The following MEG3 variants were observed in gnomAD, a reference collection of about 807,000 sequenced individuals.
The protein encoded by MEG3 is maternally expressed 3.
exon 2 of MEG3, chr14:100,836,287 C>T (rs926727637): frequency 4.2e-5 from 19 of 456,518 alleles, no homozygotes; most frequent in African/African-American, 3.8e-4. Flanking sequence ...CTCTCGTCTC[C>T]TTCCTGGTTT....
At chr14:100,860,596 C>T (rs910982061) in intron 1 of MEG3, 2 of 452,944 alleles carry the variant, frequency 4.4e-6, no homozygotes, top group African/African-American at 4.0e-5. Flanking sequence ...CTCTCCTCTC[C>T]CTCCCTCCTG....
At chr14:100,853,093 C>T (rs2038135350), upstream of MEG3, 1 of 152,404 alleles carries the variant, frequency 6.6e-6, no homozygotes, top group South Asian at 2.1e-4. Flanking sequence ...AAACATCCTT[C>T]ACGTGCTCCC....
At chr14:100,834,747 G>T (rs368067138) in exon 1 of MEG3, 1 of 456,584 alleles carries the variant, frequency 2.2e-6, no homozygotes, top group Non-Finnish European at 4.4e-6. Flanking sequence ...TGTTGGTTTC[G>T]CCAGGTGAGT....
downstream of MEG3, chr14:100,829,252 A>G (rs960476687): frequency 6.6e-6 from 1 of 152,194 alleles, no homozygotes; most frequent in African/African-American, 2.4e-5. Flanking sequence ...GTACTTTCCT[A>G]TAAGTCTTTG....
chr14:100,833,287 T>G (rs1201106672), downstream of MEG3: 2 of 152,094 alleles, frequency 1.3e-5, no homozygotes, highest in Non-Finnish European at 2.9e-5. Context: ...TGAAATGGAG[T>G]CTCGCTCTGT....
At chr14:100,834,306 C>T (rs559497828) in exon 1 of MEG3, 43 of 195,106 alleles carry the variant, frequency 2.2e-4, no homozygotes, top group East Asian at 1.4e-4. Context: ...GCCCCAAAGC[C>T]ACTGTTAGTG....
At chr14:100,830,305 CT>C (rs926474953), downstream of MEG3, 1 of 151,448 alleles carries the variant, frequency 6.6e-6, no homozygotes, top group African/African-American at 2.4e-5. Flanking sequence ...CTTAACTACT[CT>C]AAGTTTCAGT....
At position 100,828,205 on chromosome 14, in the gene MEG3, A is replaced by G. The variant is rs1223449114; in HGVS notation, n.372-503A>G. Among the ~76,000 whole-genome samples the G allele has an allele frequency of 2.0e-5, 3 of 151,644 alleles. No homozygotes were observed. In the East Asian group the frequency reaches 5.8e-4, roughly 29 times the overall value. On this transcript the variant is annotated intron_variant and non_coding_transcript_variant, in intron 1 of 2. Coordinates refer to ENST00000556407, the Ensembl canonical transcript of MEG3. Reference sequence around the variant, plus strand: ...CCGGGGCGCCGCAGGTGGCTGCTGCACTCCTGGGTTACGGGTGCGGGCCGC... The same window carrying G: ...CCGGGGCGCCGCAGGTGGCTGCTGCGCTCCTGGGTTACGGGTGCGGGCCGC...
At chr14:100,835,661 C>T (rs1258271258) in exon 1 of MEG3, 1 of 160,354 alleles carries the variant, frequency 6.2e-6, no homozygotes, top group Non-Finnish European at 1.3e-5. Context: ...TACCTGTGGT[C>T]ACCTGGCCCT....
rs866422158 is a variant in MEG3 at position 100,846,000 on chromosome 14, C to G, written n.3121+467C>G. 2 of 152,654 alleles carry G rather than the reference C, an allele frequency of 1.3e-5. No homozygotes were observed. The highest frequency in any genetic ancestry group is 2.4e-5 in the African/African-American group (1 of 41,442). The allele number at this position is 152,654 out of a possible 1,614,324, so 9.5% of individuals were successfully genotyped here. On this transcript the variant is annotated intron_variant and non_coding_transcript_variant, in intron 3 of 3. Coordinates refer to the MEG3 transcript ENST00000398461. This position sits in a 1 kb window ranked among gnomAD's most constrained non-coding sequence, Gnocchi z 5.2. The stretch of plus-strand genomic sequence containing the variant: ...CTCCAATGACCTCCGCTCGCCCCCT[C>G]GAAATGTCTGGAAAACATAATGGGC...
intron 2 of MEG3, among the ~76,000 whole-genome samples, chr14:100,841,341 C>CA (rs556492906): frequency 7.5e-4 from 115 of 152,362 alleles, no homozygotes; most frequent in African/African-American, 2.4e-3. Context: ...CCCCTGTCTC[C>CA]AGCCCCTTAG....
chr14:100,842,220 G>A (rs2037781152), intron 2 of MEG3, among the ~76,000 whole-genome samples: 1 of 152,104 alleles, frequency 6.6e-6, no homozygotes, highest in African/African-American at 2.4e-5. Context: ...TCAATTAGAC[G>A]GGCAGACTGC....
chr14:100,836,828 T>C (rs2037598709), intron 2 of MEG3, among the ~76,000 whole-genome samples: 1 of 142,738 alleles, frequency 7.0e-6, no homozygotes, highest in African/African-American at 2.5e-5. Flanking sequence ...TTTAATCAAA[T>C]AGTGGTTTTT....
downstream of MEG3, chr14:100,833,502 C>A (rs2037457237): frequency 6.6e-6 from 1 of 152,294 alleles, no homozygotes. Flanking sequence ...TCATGATCCA[C>A]CTGCCTTAGC....
At chr14:100,860,870 G>C in exon 2 of MEG3, 1 of 358,630 alleles carries the variant, frequency 2.8e-6, no homozygotes, top group Non-Finnish European at 5.5e-6. Context: ...TGAGGCCTAG[G>C]GGAGCTGTTG....
At chr14:100,853,726 A>T (rs992164637), upstream of MEG3, 5 of 152,110 alleles carry the variant, frequency 3.3e-5, no homozygotes, top group African/African-American at 1.2e-4. Context: ...TGTTATTCTT[A>T]TGTATAACCA....
At chr14:100,828,168 G>C (rs1437558706) in intron 1 of MEG3, among the ~76,000 whole-genome samples, 3 of 152,038 alleles carry the variant, frequency 2.0e-5, no homozygotes, top group African/African-American at 7.2e-5. Flanking sequence ...ATCCAGGCCC[G>C]CCGGGCGCGG....
At position 100,835,081 on chromosome 14, in the gene MEG3, G is replaced by C. The variant is rs539585222; in HGVS notation, n.2113G>C. On this transcript the variant is annotated non_coding_transcript_exon_variant, in exon 1 of 4. Coordinates refer to the MEG3 transcript ENST00000398461. ...TGCCCAGGGGCTGGAGCAGTGGACT[G>C]TGGCTCCATAGAGGTAGGCCGGAGG... is the stretch of plus-strand genomic sequence containing the variant. 136 of 342,356 alleles carry C rather than the reference G, an allele frequency of 4.0e-4. 3 individuals carry two copies. In the Middle Eastern group the frequency reaches 4.3e-3, roughly 11 times the overall value. 21.2% of individuals were successfully genotyped at this position (342,356 alleles called of 1,614,324 possible). A position where few individuals can be genotyped will look rare whatever the true frequency, so the allele number is the denominator to read the frequency against.
At chr14:100,852,779 C>G (rs944723481), upstream of MEG3, 1 of 217,040 alleles carries the variant, frequency 4.6e-6, no homozygotes, top group African/African-American at 2.3e-5. Context: ...TTGGAAGGAA[C>G]AAGCGACGTT....
Sources: gnomAD v4.1 joint callset for allele counts (sites outside exome capture counted in the v4.1 genomes callset) on GRCh38, gnomAD v4.1.1 for gene constraint, Gnocchi (gnomAD v3.1) non-coding constraint, MANE v1.5 for transcripts, NCBI Gene and HGNC (gene_info 2026-07-23, HGNC 2026-07-21) for gene names.